Variants in CD164 observed in about 807,000 individuals in gnomAD.
CD164 encodes CD164 molecule.
Under a neutral mutation model 24.6 loss-of-function variants are expected in CD164, and 11 were observed. That is an observed-to-expected ratio of 0.45 (90% CI 0.28 to 0.74). The LOEUF (loss-of-function observed/expected upper bound fraction) is 0.74. Among genes scored for constraint, CD164 ranks in the 30% least tolerant of loss-of-function variants. CD164 has a pLI of 0.13. For missense variants in CD164, 295 were observed against 243.7 expected (o/e 1.21, Z -1.40); for synonymous variants, 126 against 100.3 (o/e 1.26, Z -1.53).
At chr6:109,376,235 A>G (rs1161838239) in intron 3 of CD164, 123 bp from the exon 4 acceptor site, 10 of 583,700 alleles carry the variant, frequency 1.7e-5, no homozygotes, top group Admixed American at 1.2e-4. Flanking sequence ...CAACACTTAA[A>G]TACTACCTGT....
chr6:109,380,412 G>T (rs1322826858), intron 1 of CD164: 1 of 152,044 alleles, frequency 6.6e-6, no homozygotes, highest in Non-Finnish European at 1.5e-5. Context: ...AAAAGAATTG[G>T]GCTCCATTCA....
intron 1 of CD164, 101 bp downstream of exon 1, chr6:109,382,103 G>T (rs1369287526): frequency 9.3e-7 from 1 of 1,080,488 alleles, no homozygotes; most frequent in Non-Finnish European, 1.2e-6. Flanking sequence ...CGGCCCGCCC[G>T]CCCGACCGTG....
intron 3 of CD164, among the ~76,000 whole-genome samples, chr6:109,377,632 C>T (rs1771484948): frequency 7.2e-6 from 1 of 138,498 alleles, no homozygotes; most frequent in African/African-American, 2.6e-5. Context: ...GTGATGAATT[C>T]CTAGAAAAGT....
intron 2 of CD164, among the ~76,000 whole-genome samples, chr6:109,378,628 C>G (rs985500876): frequency 1.3e-5 from 2 of 152,086 alleles, no homozygotes; most frequent in Non-Finnish European, 2.9e-5. Flanking sequence ...AAGGGGAGAA[C>G]CTTTCCCAAC....
At chr6:109,374,099 C>T (rs976643500) in intron 4 of CD164, among the ~76,000 whole-genome samples, 10 of 152,184 alleles carry the variant, frequency 6.6e-5, no homozygotes, top group African/African-American at 2.4e-4. Flanking sequence ...ACCCCCATCC[C>T]TATTTCCTCC....
rs1282285866 is a variant in CD164, at chr6:109,368,839, C to T, written c.*12G>A. On this transcript the variant is annotated 3_prime_UTR_variant, in exon 6 of 6. Transcript: ENST00000310786. Reference sequence around the variant, plus strand: ...AATGAATCACCAGTCCTTATTAATTCAATGGGTCTGTTTACAGAGTGTGGT... The same window carrying T: ...AATGAATCACCAGTCCTTATTAATTTAATGGGTCTGTTTACAGAGTGTGGT... 1 of 1,602,976 alleles carries T rather than the reference C, an allele frequency of 6.2e-7. No homozygotes were observed. Among genetic ancestry groups the T allele is most frequent in the Admixed American group, 1.8e-5 (1 of 56,108 alleles).
intron 4 of CD164, chr6:109,372,750 A>C (rs1041184090): frequency 6.6e-6 from 1 of 152,238 alleles, no homozygotes; most frequent in Non-Finnish European, 1.5e-5. Flanking sequence ...ACCACAAAAA[A>C]ATACACTTTA....
At chr6:109,380,638 G>A (rs1771684840) in intron 1 of CD164, 1 of 152,128 alleles carries the variant, frequency 6.6e-6, no homozygotes, top group African/African-American at 2.4e-5. Context: ...TGTGCTTGAC[G>A]GGTGTAGCAA....
intron 1 of CD164, chr6:109,380,255 G>A (rs1191174966): frequency 6.6e-6 from 1 of 152,164 alleles, no homozygotes. Context: ...ATACAATTCA[G>A]GTTAACAAGG....
At chr6:109,369,086 C>T (rs1016706316) in intron 5 of CD164, 69 bp from the exon 6 acceptor site, 6 of 1,345,188 alleles carry the variant, frequency 4.5e-6, no homozygotes, top group Non-Finnish European at 4.1e-6. Flanking sequence ...TAAAGATGCA[C>T]CTGAGCCTCT....
Position 109,382,196 on chromosome 6 carries a change from G to C in CD164, c.175+8C>G. The C allele has an allele frequency of 6.5e-7, 1 of 1,538,628 alleles. No homozygotes were observed. The highest frequency in any genetic ancestry group is 1.2e-5 in the South Asian group (1 of 82,876). ...GGAGGGCGGGAAGCCCACAGGGCCCGCGCCCACCTGGTGCCGGAGTGGTGA... is the reference window on the plus strand; with the variant it reads ...GGAGGGCGGGAAGCCCACAGGGCCCCCGCCCACCTGGTGCCGGAGTGGTGA... On this transcript the variant is annotated splice_region_variant and intron_variant, in intron 1 of 5. Transcript: ENST00000310786.
At chr6:109,374,636 A>G (rs1771291788) in intron 4 of CD164, among the ~76,000 whole-genome samples, 1 of 152,208 alleles carries the variant, frequency 6.6e-6, no homozygotes, top group Admixed American at 6.5e-5. Context: ...TCAGGATAAC[A>G]TCTAAGTCTA....
At chr6:109,375,509 C>G (rs1314615985) in intron 4 of CD164, among the ~76,000 whole-genome samples, 1 of 151,460 alleles carries the variant, frequency 6.6e-6, no homozygotes, top group Non-Finnish European at 1.5e-5. Flanking sequence ...CCCAGCGACT[C>G]AGGAGGCTGA....
At chr6:109,379,536 A>T in intron 2 of CD164, 43 bp downstream of exon 2, 1 of 1,351,238 alleles carries the variant, frequency 7.4e-7, no homozygotes, top group Non-Finnish European at 1.0e-6. Context: ...CTGTATTTTA[A>T]AATGCTATAA....
At chr6:109,377,422 C>T (rs995138340) in intron 3 of CD164, among the ~76,000 whole-genome samples, 2 of 151,882 alleles carry the variant, frequency 1.3e-5, no homozygotes, top group African/African-American at 4.8e-5. Context: ...TTTTGCTGGA[C>T]GAATAGTAAA....
At chr6:109,378,490 T>C (rs1771547507) in intron 2 of CD164, among the ~76,000 whole-genome samples, 2 of 151,620 alleles carry the variant, frequency 1.3e-5, no homozygotes, top group African/African-American at 4.8e-5. Flanking sequence ...TCAGGGTCTG[T>C]ATTAAGAGGT....
chr6:109,370,348 A>G lies in CD164; in HGVS notation c.427+63T>C, dbSNP rs563018464. ...AGAAAGCTGGAAAATGATGGCAGAA[A>G]TTGTAAAGGGCAACATCGTGCACAC... On this transcript the variant is annotated intron_variant, in intron 5 of 5. Transcript: ENST00000310786. 53 of 1,316,490 alleles carry G rather than the reference A, an allele frequency of 4.0e-5. No individual in the cohort carries two copies. The African/African-American group carries it at 6.8e-4, about 17-fold the overall frequency. 81.6% of individuals were successfully genotyped at this position (1,316,490 alleles called of 1,614,324 possible). A position where few individuals can be genotyped will look rare whatever the true frequency, so the allele number is the denominator to read the frequency against.
At chr6:109,370,806 A>G (rs1469575050) in intron 4 of CD164, 1 of 206,052 alleles carries the variant, frequency 4.9e-6, no homozygotes, top group Non-Finnish European at 9.7e-6. Flanking sequence ...TAGGTTCTTC[A>G]TAATCTTTCT....
intron 1 of CD164, chr6:109,380,006 A>C (rs1771646004): frequency 5.8e-6 from 1 of 172,188 alleles, no homozygotes; most frequent in Non-Finnish European, 1.2e-5. Context: ...ATCGAGAAAA[A>C]GGCTTTGATA....
Sources: gnomAD v4.1 joint callset for allele counts (sites outside exome capture counted in the v4.1 genomes callset) on GRCh38, gnomAD v4.1.1 for gene constraint, MANE v1.5 for transcripts, NCBI Gene and HGNC (gene_info 2026-07-23, HGNC 2026-07-21) for gene names.